CPAMD8: variants seen among roughly 807,000 people sequenced by gnomAD.
CPAMD8 encodes C3 and PZP like alpha-2-macroglobulin domain containing 8.
In CPAMD8, 146 loss-of-function variants were observed where a neutral mutation model predicts 224.7. The ratio of observed to expected loss-of-function variants is 0.65; its 90% confidence interval spans 0.57 to 0.75. CPAMD8 has a LOEUF of 0.75. Among genes scored for constraint, CPAMD8 ranks in the 30% least tolerant of loss-of-function variants. The probability of loss-of-function intolerance (pLI) is 0.00; values close to 1 mark genes in which losing one functional copy is unlikely to be tolerated. For synonymous variants in CPAMD8, 966 were observed against 1,044.6 expected, an observed-to-expected ratio of 0.92 and a Z score of 1.45; for missense variants, 2,301 against 2,537.5, an observed-to-expected ratio of 0.91 and a Z score of 2.00.
chr19:16,893,664 C>T, intron 41 of CPAMD8: 1 of 267,190 alleles, frequency 3.7e-6, no homozygotes, highest in Non-Finnish European at 7.1e-6. Context: ...CCAAGGCAGG[C>T]AGGTTCTGGG....
intron 5 of CPAMD8, chr19:17,009,632 G>A: frequency 4.3e-6 from 1 of 231,090 alleles, no homozygotes; most frequent in Non-Finnish European, 8.8e-6. Context: ...AAATTAGCCG[G>A]GCATGGTCGT....
rs200912819 is a variant in CPAMD8, at chr19:16,975,200, T to A, written c.1967A>T (p.Asp656Val). 71 of 1,611,014 alleles carry A rather than the reference T, an allele frequency of 4.4e-5. No homozygotes were observed. The highest frequency in any genetic ancestry group is 6.7e-5 in the Admixed American group (4 of 59,374). ...CAGCCCAGCCCACCAAAAAGGACCA[T>A]CCTCCCTGGACACGCCAAAGGAATC... ...VSDSFGVSRE[D>V]GPFWWAGLTA... is the part of the protein sequence containing the mutation. The change falls in exon 17 of 42, where the codon GAT (aspartate) becomes GTT (valine). Residue 656 changes from aspartate to valine, a missense_variant. By Grantham distance (152) the Asp-to-Val change is radical. Transcript: ENST00000443236.
chr19:16,954,633 G>A (rs1035125976), intron 19 of CPAMD8, among the ~76,000 whole-genome samples: 5 of 152,186 alleles, frequency 3.3e-5, no homozygotes, highest in Non-Finnish European at 5.9e-5. Flanking sequence ...TCCATCGACA[G>A]AAAATAAATG....
intron 18 of CPAMD8, among the ~76,000 whole-genome samples, chr19:16,967,735 G>A (rs866324751): frequency 2.4e-4 from 36 of 151,488 alleles, no homozygotes; most frequent in Admixed American, 2.0e-3. Context: ...CATGAAACCG[G>A]TAGGCAGAGC....
chr19:17,021,927 G>A, intron 2 of CPAMD8, 103 bp downstream of exon 2: 2 of 850,480 alleles, frequency 2.4e-6, no homozygotes, highest in South Asian at 1.8e-5. Flanking sequence ...TAGGGCAGAA[G>A]GGAAGCAAAG....
intron 23 of CPAMD8, among the ~76,000 whole-genome samples, chr19:16,931,584 C>T (rs556756488): frequency 8.5e-5 from 13 of 152,158 alleles, no homozygotes; most frequent in African/African-American, 1.2e-4. Flanking sequence ...CCTGGTCCAC[C>T]GCTGCCACTA....
In CPAMD8 at chr19:16,907,122, A is replaced by G. The variant is rs1183424166; in HGVS notation, c.3862-5T>C. 7 of 1,542,210 alleles carry G rather than the reference A, an allele frequency of 4.5e-6. No individual in the cohort carries two copies. The African/African-American group carries it at 6.8e-5, about 15-fold the overall frequency. On this transcript the variant is annotated splice_region_variant and splice_polypyrimidine_tract_variant and intron_variant, in intron 29 of 41. Transcript: ENST00000443236. Reference sequence around the variant, plus strand: ...GTCAGTGGAGCCTCTCTCCTCCTGCAGGGTGGGGTGGGAAGGTGAAACCTG... The same window carrying G: ...GTCAGTGGAGCCTCTCTCCTCCTGCGGGGTGGGGTGGGAAGGTGAAACCTG...
At chr19:17,004,820 C>T (rs558325460) in intron 7 of CPAMD8, among the ~76,000 whole-genome samples, 1 of 152,256 alleles carries the variant, frequency 6.6e-6, no homozygotes, top group South Asian at 2.1e-4. Flanking sequence ...GAGCAGCACC[C>T]CTGGCCTCCA....
In CPAMD8 at chr19:16,926,561, C is replaced by G. The variant is rs559848595; in HGVS notation, c.3371-1189G>C. The stretch of plus-strand genomic sequence containing the variant: ...TCCATCTCTTGATCTCGTTATCCAC[C>G]TGCCTCGGCCTCCCAAAGTGCTGGG... On this transcript the variant is annotated intron_variant, in intron 25 of 41. Coordinates refer to ENST00000443236, the MANE Select transcript of CPAMD8 (RefSeq NM_015692.5). Among the ~76,000 whole-genome samples, 24 of 152,330 alleles carry G rather than the reference C, an allele frequency of 1.6e-4. No individual in the cohort carries two copies. In the South Asian group the frequency reaches 3.9e-3, roughly 25 times the overall value.
chr19:16,895,871 T>C (rs2144674171), intron 41 of CPAMD8: 1 of 538,814 alleles, frequency 1.9e-6, no homozygotes, highest in East Asian at 4.4e-5. Flanking sequence ...GGATAAGGGA[T>C]CCTTGACCCG....
intron 13 of CPAMD8, among the ~76,000 whole-genome samples, chr19:16,982,063 C>G (rs1036204556): frequency 6.6e-6 from 1 of 152,112 alleles, no homozygotes; most frequent in Non-Finnish European, 1.5e-5. Flanking sequence ...TGAGACCAGC[C>G]TGGGCAACAA....
At chr19:16,939,975 C>T (rs374361341) in intron 22 of CPAMD8, among the ~76,000 whole-genome samples, 10 of 151,864 alleles carry the variant, frequency 6.6e-5, no homozygotes, top group South Asian at 2.1e-4. Context: ...TGCAATGGCG[C>T]GATCTCGGTT....
Position 16,899,621 on chromosome 19 carries a change from G to T in CPAMD8, c.4774-72C>A. 1 of 797,500 alleles carries T rather than the reference G, an allele frequency of 1.3e-6. No individual in the cohort carries two copies. The highest frequency in any genetic ancestry group is 2.3e-6 in the Non-Finnish European group (1 of 443,236). The allele number at this position is 797,500 out of a possible 1,614,324, so 49.4% of individuals were successfully genotyped here. A position where few individuals can be genotyped will look rare whatever the true frequency, so the allele number is the denominator to read the frequency against. On this transcript the variant is annotated intron_variant, in intron 36 of 41. Coordinates refer to ENST00000443236, the MANE Select transcript of CPAMD8 (RefSeq NM_015692.5). This position sits in a 1 kb window ranked among gnomAD's most constrained non-coding sequence, Gnocchi z 5.4. ...TCCTCTCCCATCCCCTGGGGGCAGT[G>T]GTCAGTGGGATGCTTGGACTTGCCC... is the stretch of plus-strand genomic sequence containing the variant.
At position 16,997,280 on chromosome 19, in the gene CPAMD8, G is replaced by A. The variant is rs762264386; in HGVS notation, c.926C>T (p.Pro309Leu). The change falls in exon 11 of 42, where the codon CCT (proline) becomes CTT (leucine). Residue 309 changes from proline (P) to leucine (L), a missense_variant. Pro to Leu is a moderately conservative substitution (Grantham distance 98). Transcript: ENST00000443236. ...CVRDMIPADV[P>L]EHFRGRVSIW... ...GCTGACCCTGCCCCGGAAGTGCTCAGGGACGTCCGCTGGGATCATGTCCCT... is the reference window on the plus strand; with the variant it reads ...GCTGACCCTGCCCCGGAAGTGCTCAAGGACGTCCGCTGGGATCATGTCCCT... 5 of 1,583,314 alleles carry A rather than the reference G, an allele frequency of 3.2e-6. No homozygotes were observed. In the African/African-American group the frequency reaches 6.7e-5, roughly 21 times the overall value.
intron 13 of CPAMD8, among the ~76,000 whole-genome samples, chr19:16,982,003 C>T (rs1313421360): frequency 6.6e-6 from 1 of 152,178 alleles, no homozygotes; most frequent in African/African-American, 2.4e-5. Flanking sequence ...CACCTGTAAT[C>T]CCAGTATTTT....
At chr19:16,942,346 C>G (rs2053926771) in intron 22 of CPAMD8, among the ~76,000 whole-genome samples, 1 of 152,058 alleles carries the variant, frequency 6.6e-6, no homozygotes, top group Non-Finnish European at 1.5e-5. Context: ...CCTGTAGTCC[C>G]CGCTACTCAG....
At position 16,952,204 on chromosome 19, in the gene CPAMD8, C is replaced by T. The variant is rs377227939; in HGVS notation, c.2277-4G>A. The T allele has an allele frequency of 3.6e-5, 54 of 1,482,752 alleles. No individual in the cohort carries two copies. The Middle Eastern group carries it at 8.1e-4, about 22-fold the overall frequency. 91.8% of individuals were successfully genotyped at this position (1,482,752 alleles called of 1,614,324 possible). A position where few individuals can be genotyped will look rare whatever the true frequency, so the allele number is the denominator to read the frequency against. ...TGTCCCCTCACCAGATGGGTCACTG[C>T]GGAGAGACAGACAGCCATGATGGGG... On this transcript the variant is annotated splice_region_variant and splice_polypyrimidine_tract_variant and intron_variant, in intron 19 of 41. Coordinates refer to ENST00000443236, the MANE Select transcript of CPAMD8 (RefSeq NM_015692.5).
rs543036922 is a variant in CPAMD8 at position 17,019,415 on chromosome 19, G to A, written c.267+916C>T. 7.9e-5 allele frequency among the ~76,000 whole-genome samples: 12 copies of A among 152,214 alleles called. No individual in the cohort carries two copies. In the South Asian group the frequency reaches 8.3e-4, roughly 11 times the overall value. ...TAGGATTACAGGCATGAGCCACTGC[G>A]CCCGGCCAGTGGTGTGTGTCCTTTA... On this transcript the variant is annotated intron_variant, in intron 3 of 41. Coordinates refer to ENST00000443236, the MANE Select transcript of CPAMD8 (RefSeq NM_015692.5).
intron 3 of CPAMD8, 35 bp from the exon 4 acceptor site, chr19:17,011,792 T>A: frequency 6.2e-7 from 1 of 1,602,770 alleles, no homozygotes; most frequent in Non-Finnish European, 8.5e-7. Flanking sequence ...GGACAAGAAT[T>A]CACCCTGGAA....
Sources: allele counts gnomAD v4.1 joint callset (sites outside exome capture counted in the v4.1 genomes callset), GRCh38; gene constraint gnomAD v4.1.1; non-coding constraint Gnocchi (gnomAD v3.1); transcripts MANE v1.5; gene names NCBI Gene and HGNC (gene_info 2026-07-23, HGNC 2026-07-21).